The following ZNF583 variants were observed in gnomAD, a reference collection of about 807,000 sequenced individuals.
ZNF583 encodes the protein zinc finger protein L3-5.
A neutral mutation model predicts 55.3 loss-of-function variants in ZNF583; 30 were observed. That is an observed-to-expected ratio of 0.54 (90% CI 0.41 to 0.74). The LOEUF is 0.74. Ranked by LOEUF, ZNF583 falls within the 30% of genes least tolerant of loss-of-function variation. The pLI, the probability that ZNF583 is intolerant of heterozygous loss-of-function variation, is 0.00. For synonymous variants in ZNF583, 208 were observed against 220.0 expected, an observed-to-expected ratio of 0.95 and a Z score of 0.48; for missense variants, 504 against 664.7, an observed-to-expected ratio of 0.76 and a Z score of 2.66.
intron 1 of ZNF583, 34 bp from the exon 2 acceptor site, chr19:56,406,992 G>T: frequency 2.8e-6 from 3 of 1,068,504 alleles, no homozygotes; most frequent in Non-Finnish European, 4.2e-6. Flanking sequence ...TGCAGGGCAG[G>T]CCTGGCATTT....
Position 56,423,352 on chromosome 19 carries a change from A to G in ZNF583, c.694A>G (p.Arg232Gly), listed in dbSNP as rs2042449585. The G allele has an allele frequency of 6.2e-7, 1 of 1,613,952 alleles. No individual in the cohort carries two copies. The highest frequency in any genetic ancestry group is 1.3e-5 in the African/African-American group (1 of 74,930). Residue 232 changes from arginine to glycine, a missense_variant, in exon 5 of 5, where the codon AGA becomes GGA. By Grantham distance (125) the Arg-to-Gly change is moderately radical. Transcript: ENST00000333201. ...NQSSSLTLHQ[R>G]IHTGEKPYAC... ...GAGCTCATCCCTTACTCTTCATCAG[A>G]GAATTCATACTGGAGAGAAACCCTA...
Position 56,414,443 on chromosome 19 carries a change from G to A in ZNF583, c.232+3G>A. 6.2e-7 allele frequency: 1 copy of A among 1,612,176 alleles called. No homozygotes were observed. The highest frequency in any genetic ancestry group is 8.5e-7 in the Non-Finnish European group (1 of 1,179,024). On this transcript the variant is annotated splice_donor_region_variant and intron_variant, in intron 4 of 4. Transcript: ENST00000333201. The stretch of plus-strand genomic sequence containing the variant: ...GGGAACAAGAGGCCCATGCCCTGGT[G>A]AGTGAGAGAGAAATAGGGAGACAGA...
chr19:56,413,890 A>G (rs1427247632), intron 2 of ZNF583, 69 bp from the exon 3 acceptor site: 3 of 1,597,778 alleles, frequency 1.9e-6, no homozygotes, highest in Non-Finnish European at 1.7e-6. Flanking sequence ...AGACAATTTA[A>G]CTTTTTAACT....
chr19:56,423,784 G>A lies in ZNF583; in HGVS notation c.1126G>A (p.Gly376Arg). 1 of 1,613,498 alleles carries A rather than the reference G, an allele frequency of 6.2e-7. No homozygotes were observed. Among genetic ancestry groups the A allele is most frequent in the Non-Finnish European group, 8.5e-7 (1 of 1,179,912 alleles). Residue 376 changes from glycine to arginine, a missense_variant, in exon 5 of 5, where the codon GGA (glycine) becomes AGA (arginine). Transcript: ENST00000333201. ...AATTGTACATCAGAGAATTCATACT[G>A]GAGAGAGACCCTACGAATGTAAGGA... ...YLIVHQRIHT[G>R]ERPYECKECR...
intron 4 of ZNF583, among the ~76,000 whole-genome samples, chr19:56,422,599 C>T (rs2042433133): frequency 6.6e-6 from 1 of 152,054 alleles, no homozygotes; most frequent in Non-Finnish European, 1.5e-5. Flanking sequence ...TAACCTATGA[C>T]AAGAGAGGAA....
chr19:56,415,338 TTATA>T (rs1217069970), intron 4 of ZNF583, among the ~76,000 whole-genome samples: 2 of 151,566 alleles, frequency 1.3e-5, no homozygotes, highest in Non-Finnish European at 2.9e-5. Flanking sequence ...CATAAGAGGG[TTATA>T]TATATAAGAT....
chr19:56,426,387 T>G lies in ZNF583; in HGVS notation c.*2019T>G, dbSNP rs1010996675. ...GGAATGAGACTGGCCTTCCTAAACA[T>G]GAGATTCAGAAGCCTCCCCACCTCC... On this transcript the variant is annotated 3_prime_UTR_variant, in exon 5 of 5. Transcript: ENST00000333201. 1 of 152,150 alleles carries G rather than the reference T, an allele frequency of 6.6e-6. No individual in the cohort carries two copies. Among genetic ancestry groups the G allele is most frequent in the African/African-American group, 2.4e-5 (1 of 41,434 alleles). The allele number at this position is 152,150 out of a possible 1,614,324, so 9.4% of individuals were successfully genotyped here.
intron 4 of ZNF583, among the ~76,000 whole-genome samples, chr19:56,418,903 G>A (rs1482528727): frequency 6.6e-6 from 1 of 152,084 alleles, no homozygotes; most frequent in South Asian, 2.1e-4. Flanking sequence ...AGATGTCCTT[G>A]ATCAGTTTGA....
In ZNF583 at chr19:56,423,228, G is replaced by C. The variant is rs756840661; in HGVS notation, c.570G>C (p.Lys190Asn). Residue 190 changes from lysine to asparagine, a missense_variant, in exon 5 of 5, where the codon AAG becomes AAC. Around this residue, in one of 3 missense-constraint regions of ZNF583, gnomAD observed 204 missense variants for 235.2 expected, o/e 0.87. Transcript: ENST00000333201. ...KEKAHKHEPQ[K>N]KSYRKKSVEM... ...AAGCACATAAGCATGAACCACAAAA[G>C]AAAAGTTACCGAAAAAAATCTGTTG... 3 of 1,612,494 alleles carry C rather than the reference G, an allele frequency of 1.9e-6. No homozygotes were observed. The highest frequency in any genetic ancestry group is 1.7e-5 in the Admixed American group (1 of 59,800).
chr19:56,406,023 A>G (rs1333780989), intron 1 of ZNF583, among the ~76,000 whole-genome samples: 1 of 152,224 alleles, frequency 6.6e-6, no homozygotes, highest in East Asian at 1.9e-4. Context: ...CTGGACAAGA[A>G]TTCACCATAG....
chr19:56,406,530 CTTTTTT>C (rs34274240), intron 1 of ZNF583, among the ~76,000 whole-genome samples: 1 of 115,240 alleles, frequency 8.7e-6, no homozygotes, highest in Non-Finnish European at 1.7e-5. Context: ...ATGTTGTATT[CTTTTTT>C]TTTTTTTTTT....
chr19:56,417,164 C>T (rs936747628), intron 4 of ZNF583, among the ~76,000 whole-genome samples: 6 of 152,106 alleles, frequency 3.9e-5, no homozygotes, highest in Non-Finnish European at 7.4e-5. Flanking sequence ...CTGTCATGTA[C>T]AGGACTTTGT....
chr19:56,421,263 T>A (rs547240110), intron 4 of ZNF583, among the ~76,000 whole-genome samples: 1 of 152,254 alleles, frequency 6.6e-6, no homozygotes, highest in Non-Finnish European at 1.5e-5. Flanking sequence ...TTATAATATC[T>A]ATCCTTAACT....
Position 56,414,401 on chromosome 19 carries a change from TGGA to T in ZNF583, c.194_196del (p.Trp65_Met66delinsLeu). On this transcript the variant is annotated inframe_deletion, in exon 4 of 5. Coordinates refer to ENST00000333201, the MANE Select transcript of ZNF583 (RefSeq NM_152478.3). ...ATTATTGGAGCAAGGAAAAGAGCCC[TGGA>T]TGGTGAAGAAGGAGGGAACAAGAGG... The T allele has an allele frequency of 6.2e-7, 1 of 1,614,080 alleles. No homozygotes were observed. Among genetic ancestry groups the T allele is most frequent in the Non-Finnish European group, 8.5e-7 (1 of 1,179,996 alleles).
intron 4 of ZNF583, among the ~76,000 whole-genome samples, chr19:56,418,392 T>A (rs1055997348): frequency 1.1e-4 from 17 of 151,912 alleles, no homozygotes. Flanking sequence ...CTGGACAACA[T>A]AGCAAGACTC....
chr19:56,421,763 GAAAAA>G (rs895498262), intron 4 of ZNF583, among the ~76,000 whole-genome samples: 2 of 151,956 alleles, frequency 1.3e-5, no homozygotes, highest in Non-Finnish European at 2.9e-5. Flanking sequence ...TCAAGGGTGA[GAAAAA>G]AACTTCCTGC....
Position 56,426,012 on chromosome 19 carries a change from G to C in ZNF583, c.*1644G>C, listed in dbSNP as rs755393034. On this transcript the variant is annotated 3_prime_UTR_variant, in exon 5 of 5. Coordinates refer to ENST00000333201, the MANE Select transcript of ZNF583 (RefSeq NM_152478.3). ...CAAACAGAATGACGAAAGTTTAATG[G>C]AGGATGAAAAAGAAGACAAATAAAT... 1 of 152,116 alleles carries C rather than the reference G, an allele frequency of 6.6e-6. No individual in the cohort carries two copies. Among genetic ancestry groups the C allele is most frequent in the Non-Finnish European group, 1.5e-5 (1 of 68,010 alleles). 9.4% of individuals were successfully genotyped at this position (152,116 alleles called of 1,614,324 possible). A position where few individuals can be genotyped will look rare whatever the true frequency, so the allele number is the denominator to read the frequency against.
At chr19:56,406,064 G>C (rs1192905769) in intron 1 of ZNF583, among the ~76,000 whole-genome samples, 2 of 152,170 alleles carry the variant, frequency 1.3e-5, no homozygotes, top group Non-Finnish European at 2.9e-5. Flanking sequence ...AGCATAGCCT[G>C]CTCCTCCCTC....
In ZNF583 at chr19:56,427,145, A is replaced by T. The variant is rs185823328; in HGVS notation, c.*2777A>T. On this transcript the variant is annotated 3_prime_UTR_variant, in exon 5 of 5. Coordinates refer to ENST00000333201, the MANE Select transcript of ZNF583 (RefSeq NM_152478.3). The stretch of plus-strand genomic sequence containing the variant: ...GGCTTATGTACAGGCTGTGGCTTCT[A>T]AGAAGACATGATGAAAAGCCTCTTG... The T allele has an allele frequency of 6.6e-6, 1 of 152,098 alleles. No individual in the cohort carries two copies. The highest frequency in any genetic ancestry group is 1.5e-5 in the Non-Finnish European group (1 of 68,032). The allele number at this position is 152,098 out of a possible 1,614,324, so 9.4% of individuals were successfully genotyped here.
Sources: allele counts gnomAD v4.1 joint callset (sites outside exome capture counted in the v4.1 genomes callset), GRCh38; gene constraint gnomAD v4.1.1; regional missense constraint gnomAD v4.1.1; transcripts MANE v1.5; gene names NCBI Gene and HGNC (gene_info 2026-07-23, HGNC 2026-07-21).